TOX2: variants seen among roughly 807,000 people sequenced by gnomAD.
The protein encoded by TOX2 is TOX high mobility group box family member 2.
In TOX2, 15 loss-of-function variants were observed where a neutral mutation model predicts 47.4. That is an observed-to-expected ratio of 0.32 (90% CI 0.21 to 0.49). The LOEUF (loss-of-function observed/expected upper bound fraction) is 0.49, where lower values mean the gene tolerates loss of function less well. TOX2 is among the 20% of genes least tolerant of loss of function. The pLI is 0.99. For missense variants in TOX2, 622 were observed against 673.1 expected (o/e 0.92, Z 0.84); for synonymous variants, 290 against 296.6 (o/e 0.98, Z 0.23).
At chr20:43,940,338 C>T (rs989080657) in intron 1 of TOX2, among the ~76,000 whole-genome samples, 5 of 151,834 alleles carry the variant, frequency 3.3e-5, no homozygotes, top group South Asian at 4.1e-4. Flanking sequence ...GCATAAGGCT[C>T]CTGAGTAGCT....
chr20:43,953,806 G>T (rs1210984479), intron 1 of TOX2, among the ~76,000 whole-genome samples: 1 of 152,110 alleles, frequency 6.6e-6, no homozygotes, highest in East Asian at 1.9e-4. Context: ...TTGAGCAGGG[G>T]GGCGACTATG....
Position 44,051,460 on chromosome 20 carries a change from G to A in TOX2, c.566G>A (p.Ser189Asn). 1 of 1,613,836 alleles carries A rather than the reference G, an allele frequency of 6.2e-7. No individual in the cohort carries two copies. The highest frequency in any genetic ancestry group is 1.1e-5 in the South Asian group (1 of 91,042). ...GGCATCCGGAGCAGCATCGCCCACA[G>A]CTCCCCATCACCGCCGGGGAGCAAG... is the stretch of plus-strand genomic sequence containing the variant. The part of the protein sequence containing the change: ...QMGIRSSIAH[S>N]SPSPPGSKSA... The change falls in exon 4 of 9, where the codon AGC becomes AAC. Residue 189 changes from serine to asparagine, a missense_variant. Physicochemically the swap from Ser to Asn is conservative, Grantham distance 46. This residue lies in a region of TOX2 where 307 missense variants were observed against 327.3 expected (regional missense o/e 0.94). Coordinates refer to ENST00000341197, the MANE Select transcript of TOX2 (RefSeq NM_001098797.2).
At chr20:44,036,573 C>T (rs733749) in intron 3 of TOX2, among the ~76,000 whole-genome samples, 10,368 of 152,306 alleles carry the variant, frequency 0.068, 681 homozygotes, top group African/African-American at 0.17. Flanking sequence ...TTTCTACCAT[C>T]GCTTCTACTT....
intron 5 of TOX2, among the ~76,000 whole-genome samples, chr20:44,061,665 A>T (rs2071720856): frequency 1.3e-5 from 2 of 152,020 alleles, no homozygotes; most frequent in Admixed American, 6.6e-5. Flanking sequence ...GTAAAGAGGA[A>T]GTCAAAGTGT....
At position 44,054,154 on chromosome 20, in the gene TOX2, T is replaced by C. The variant is rs576657415; in HGVS notation, c.652-145T>C. The C allele has an allele frequency of 3.9e-6, 3 of 767,646 alleles. No individual in the cohort carries two copies. In the Admixed American group the frequency reaches 6.7e-5, roughly 17 times the overall value. 47.6% of individuals were successfully genotyped at this position (767,646 alleles called of 1,614,324 possible). A position where few individuals can be genotyped will look rare whatever the true frequency, so the allele number is the denominator to read the frequency against. On this transcript the variant is annotated intron_variant, in intron 4 of 8. Coordinates refer to ENST00000341197, the MANE Select transcript of TOX2 (RefSeq NM_001098797.2). ...CCCACCCAGGGTGTGTGTGTCTGTCTGTCCATTGCCCCCTCCATCGCGCGA... is the reference window on the plus strand; with the variant it reads ...CCCACCCAGGGTGTGTGTGTCTGTCCGTCCATTGCCCCCTCCATCGCGCGA...
intron 3 of TOX2, among the ~76,000 whole-genome samples, chr20:44,024,824 A>G (rs1600750778): frequency 1.3e-5 from 2 of 152,158 alleles, no homozygotes; most frequent in African/African-American, 4.8e-5. Flanking sequence ...TATACAATAT[A>G]CAAAGATAAT....
intron 1 of TOX2, among the ~76,000 whole-genome samples, chr20:43,972,000 T>C (rs1465041589): frequency 1.3e-5 from 2 of 152,192 alleles, no homozygotes; most frequent in African/African-American, 4.8e-5. Flanking sequence ...TTGAACCATG[T>C]GAATATATCT....
chr20:44,012,991 A>G (rs2070805720), intron 3 of TOX2, among the ~76,000 whole-genome samples: 1 of 152,196 alleles, frequency 6.6e-6, no homozygotes. Flanking sequence ...GGTGCCCTGG[A>G]CTAGGCTGTT....
intron 3 of TOX2, among the ~76,000 whole-genome samples, chr20:44,033,697 A>G (rs1232400990): frequency 6.6e-6 from 1 of 151,396 alleles, no homozygotes; most frequent in Non-Finnish European, 1.5e-5. Flanking sequence ...AAAAAAAAAA[A>G]TTATGGAAAT....
chr20:44,067,845 C>G (rs1407970767), intron 8 of TOX2, among the ~76,000 whole-genome samples: 1 of 152,192 alleles, frequency 6.6e-6, no homozygotes, highest in Admixed American at 6.5e-5. Flanking sequence ...CGCAGCCACA[C>G]CTGGGGGACG....
chr20:44,018,194 G>C (rs6073283), intron 3 of TOX2, among the ~76,000 whole-genome samples: 2 of 151,354 alleles, frequency 1.3e-5, no homozygotes, highest in Non-Finnish European at 3.0e-5. Flanking sequence ...CACCCCTTCC[G>C]CTGAAATTCA....
intron 5 of TOX2, among the ~76,000 whole-genome samples, chr20:44,059,251 T>G (rs538782213): frequency 6.6e-6 from 1 of 152,218 alleles, no homozygotes. Flanking sequence ...AGCAACTGAA[T>G]TGAACAAGTA....
At chr20:43,973,199 G>A (rs1472340475) in intron 1 of TOX2, among the ~76,000 whole-genome samples, 168 bp from the exon 2 acceptor site, 1 of 152,246 alleles carries the variant, frequency 6.6e-6, no homozygotes, top group Admixed American at 6.5e-5. Context: ...TTCCACCCTA[G>A]AGGTAGCCCT....
At position 44,066,121 on chromosome 20, in the gene TOX2, A is replaced by G; in HGVS notation, c.1356+14A>G. ...CCAGGGCCACAGGTAAGCAGGGAAG[A>G]GCAGAACAGCCCTTCTGTGACCGTG... On this transcript the variant is annotated intron_variant, in intron 7 of 8. Transcript: ENST00000341197. 6.6e-7 allele frequency: 1 copy of G among 1,524,010 alleles called. No homozygotes were observed. The highest frequency in any genetic ancestry group is 8.8e-7 in the Non-Finnish European group (1 of 1,139,146). 94.4% of individuals were successfully genotyped at this position (1,524,010 alleles called of 1,614,324 possible).
At chr20:44,029,304 A>G (rs529679657) in intron 3 of TOX2, among the ~76,000 whole-genome samples, 1 of 152,330 alleles carries the variant, frequency 6.6e-6, no homozygotes, top group African/African-American at 2.4e-5. Context: ...GCTTGGTGAT[A>G]ACAAGCACCA....
intron 1 of TOX2, among the ~76,000 whole-genome samples, chr20:43,926,107 A>G (rs1262239330): frequency 6.6e-6 from 1 of 152,234 alleles, no homozygotes; most frequent in Non-Finnish European, 1.5e-5. Context: ...ACTCAGTAGT[A>G]GTATAACCCA....
chr20:43,966,308 T>C (rs1218923735), intron 1 of TOX2, among the ~76,000 whole-genome samples: 2 of 152,174 alleles, frequency 1.3e-5, no homozygotes, highest in Non-Finnish European at 2.9e-5. Flanking sequence ...ATGGAAGCTT[T>C]TGGTTAGGTC....
intron 3 of TOX2, among the ~76,000 whole-genome samples, chr20:44,025,163 A>C (rs566320117): frequency 6.6e-6 from 1 of 152,056 alleles, no homozygotes; most frequent in South Asian, 2.1e-4. Flanking sequence ...AAAAAATTTT[A>C]TTATTATTAT....
chr20:43,983,364 G>A (rs533376807), intron 2 of TOX2, among the ~76,000 whole-genome samples: 7 of 152,248 alleles, frequency 4.6e-5, no homozygotes, highest in East Asian at 3.9e-4. Flanking sequence ...AGATCCCCAA[G>A]TTTGCCTGGT....
Sources: allele counts gnomAD v4.1 joint callset (sites outside exome capture counted in the v4.1 genomes callset), GRCh38; gene constraint gnomAD v4.1.1; regional missense constraint gnomAD v4.1.1; transcripts MANE v1.5; gene names NCBI Gene and HGNC (gene_info 2026-07-23, HGNC 2026-07-21).